Variants in MFSD12 observed in about 807,000 individuals in gnomAD.
MFSD12 encodes the protein major facilitator superfamily domain containing 12, also known as major facilitator superfamily domain-containing protein 12.
A neutral mutation model predicts 51.2 loss-of-function variants in MFSD12; 67 were observed. The ratio of observed to expected loss-of-function variants is 1.31; its 90% CI spans 1.08 to 1.60. MFSD12 has a LOEUF of 1.60. MFSD12 is among the 40% of genes most tolerant of loss of function. The pLI, the probability that MFSD12 is intolerant of heterozygous loss-of-function variation, is 0.00. For synonymous variants in MFSD12, 441 were observed against 316.7 expected (o/e 1.39, Z -4.17); for missense variants, 921 against 673.0 (o/e 1.37, Z -4.08).
At chr19:3,555,502 A>G (rs1354251188) in intron 1 of MFSD12, among the ~76,000 whole-genome samples, 1 of 152,204 alleles carries the variant, frequency 6.6e-6, no homozygotes, top group Non-Finnish European at 1.5e-5. Flanking sequence ...ATCCCAACGT[A>G]ACCACAAAGG....
intron 8 of MFSD12, among the ~76,000 whole-genome samples, chr19:3,545,807 C>T (rs994792230): frequency 2.6e-5 from 4 of 152,202 alleles, no homozygotes; most frequent in Admixed American, 6.5e-5. Context: ...TACACGGACT[C>T]GGGGCTCCCT....
At chr19:3,543,242 T>C, downstream of MFSD12, 2 of 1,544,346 alleles carry the variant, frequency 1.3e-6, no homozygotes, top group Non-Finnish European at 1.7e-6. Flanking sequence ...CAGCGATGAC[T>C]ACCTGTCCCT....
In MFSD12 at chr19:3,546,276, G is replaced by A. The variant is rs149986717; in HGVS notation, c.1173C>T (p.Ala391=). The A allele has an allele frequency of 5.0e-4, 803 of 1,610,568 alleles. 7 individuals are homozygous for A. The East Asian group carries it at 0.011, about 21-fold the overall frequency. ...CTACCGTGTGGGGACCGATGAGGTC[G>A]GCCGTCATGGCCAGCGAGGTGACGA... The part of the protein sequence containing the change: ...TILVTSLAMT[A]DLIGPHTNSG... Residue 391 remains alanine, a synonymous_variant, in exon 7 of 10, where the codon GCC becomes GCT. Coordinates refer to ENST00000355415, the MANE Select transcript of MFSD12 (RefSeq NM_174983.5).
downstream of MFSD12, chr19:3,543,449 C>T (rs1359580103): frequency 9.7e-6 from 15 of 1,544,846 alleles, no homozygotes; most frequent in East Asian, 2.4e-5. Context: ...CTGCTACCAA[C>T]ACCGTGAGTG....
At chr19:3,545,643 A>C (rs1039142782) in intron 8 of MFSD12, among the ~76,000 whole-genome samples, 2 of 151,924 alleles carry the variant, frequency 1.3e-5, no homozygotes, top group African/African-American at 4.8e-5. Context: ...GGTACCAACC[A>C]CATGTTCACC....
At chr19:3,540,871 CA>C (rs1161701645), downstream of MFSD12, among the ~76,000 whole-genome samples, 592 of 61,044 alleles carry the variant, frequency 9.7e-3, 3 homozygotes, top group Middle Eastern at 0.019. Context: ...AACTCCATCT[CA>C]AAAAAAAAAA....
rs2030777212 is a variant in MFSD12, at chr19:3,544,544, C to T, written c.*166G>A. 2 of 1,413,822 alleles carry T rather than the reference C, an allele frequency of 1.4e-6. No individual in the cohort carries two copies. Among genetic ancestry groups the T allele is most frequent in the Non-Finnish European group, 1.8e-6 (2 of 1,086,766 alleles). 87.6% of individuals were successfully genotyped at this position (1,413,822 alleles called of 1,614,324 possible). On this transcript the variant is annotated 3_prime_UTR_variant, in exon 10 of 10. Transcript: ENST00000355415. ...GGGGTCCTTGCAAGTCCCTGGCGGG[C>T]ATCCCTGCTGCCCTCACCCGACCCC...
chr19:3,551,299 G>T lies in MFSD12; in HGVS notation c.299-105C>A. On this transcript the variant is annotated intron_variant, in intron 1 of 9. Transcript: ENST00000355415. The surrounding 1 kb of genome is among the most constrained non-coding windows in gnomAD (Gnocchi z 4.6). ...AGAGGGAAACTGAGGCACAGATGGA[G>T]ACGCCCCCCGCATGCACACAGTCAC... 1.1e-6 allele frequency: 1 copy of T among 893,200 alleles called. No homozygotes were observed. The highest frequency in any genetic ancestry group is 1.7e-5 in the South Asian group (1 of 57,460). 55.3% of individuals were successfully genotyped at this position (893,200 alleles called of 1,614,324 possible). A position where few individuals can be genotyped will look rare whatever the true frequency, so the allele number is the denominator to read the frequency against.
At chr19:3,556,768 G>A (rs180970789) in intron 1 of MFSD12, among the ~76,000 whole-genome samples, 1 of 150,860 alleles carries the variant, frequency 6.6e-6, no homozygotes, top group Non-Finnish European at 1.5e-5. Context: ...AGACAAACAG[G>A]GGAGACTTAG....
At chr19:3,550,910 T>G in intron 2 of MFSD12, 74 bp downstream of exon 2, 2 of 1,291,318 alleles carry the variant, frequency 1.5e-6, no homozygotes, top group Non-Finnish European at 2.2e-6. Context: ...TGGCCGCTCA[T>G]TATGCAGTGC....
downstream of MFSD12, among the ~76,000 whole-genome samples, chr19:3,540,886 AAAAT>A (rs2030340062): frequency 7.6e-6 from 1 of 130,724 alleles, no homozygotes; most frequent in Admixed American, 7.6e-5. Context: ...AAAAAAAAAA[AAAAT>A]CCAGGCGCAG....
At chr19:3,543,694 C>A, downstream of MFSD12, 4 of 1,520,364 alleles carry the variant, frequency 2.6e-6, no homozygotes, top group South Asian at 1.3e-5. Context: ...AGGCTAGGTG[C>A]AGGGTGGGTC....
chr19:3,543,124 C>T (rs2030568936), downstream of MFSD12: 3 of 1,515,354 alleles, frequency 2.0e-6, no homozygotes, highest in Non-Finnish European at 2.6e-6. Flanking sequence ...GGGAGGGAGA[C>T]CCCACGCCGT....
At chr19:3,545,987 C>T in intron 8 of MFSD12, 87 bp downstream of exon 8, 3 of 1,426,262 alleles carry the variant, frequency 2.1e-6, no homozygotes, top group Non-Finnish European at 2.0e-6. Context: ...GCTGGATGCC[C>T]AGACCCAGAA....
intron 1 of MFSD12, among the ~76,000 whole-genome samples, chr19:3,555,253 C>T (rs1000194338): frequency 1.3e-5 from 2 of 152,102 alleles, no homozygotes; most frequent in East Asian, 1.9e-4. Context: ...GGATTACAGG[C>T]GTGCGCCACC....
At chr19:3,548,877 T>C (rs899780173) in intron 2 of MFSD12, among the ~76,000 whole-genome samples, 3 of 152,150 alleles carry the variant, frequency 2.0e-5, no homozygotes, top group African/African-American at 7.2e-5. Context: ...CCTGTGTCGT[T>C]AGCGCCTGCA....
intron 8 of MFSD12, among the ~76,000 whole-genome samples, chr19:3,545,223 C>T (rs1490746149): frequency 1.3e-5 from 2 of 152,214 alleles, no homozygotes; most frequent in African/African-American, 2.4e-5. Flanking sequence ...TCCCAGGCTG[C>T]AACTTCTCCC....
downstream of MFSD12, chr19:3,542,208 T>C (rs1252831742): frequency 2.0e-6 from 2 of 985,300 alleles, no homozygotes; most frequent in African/African-American, 3.5e-5. Context: ...GCCTTTCTAG[T>C]GGAAAAGCCG....
chr19:3,541,540 C>T, downstream of MFSD12: 1 of 406,136 alleles, frequency 2.5e-6, no homozygotes, highest in Non-Finnish European at 3.3e-6. Flanking sequence ...CCAGGCTGGT[C>T]TCAAACTCCT....
Sources: allele counts gnomAD v4.1 joint callset (sites outside exome capture counted in the v4.1 genomes callset), GRCh38; gene constraint gnomAD v4.1.1; non-coding constraint Gnocchi (gnomAD v3.1); transcripts MANE v1.5; gene names NCBI Gene and HGNC (gene_info 2026-07-23, HGNC 2026-07-21).